The following CSMD3 variants were observed in gnomAD, a reference collection of about 807,000 sequenced individuals.
CSMD3 encodes CUB and Sushi multiple domains 3.
Under a neutral mutation model 435.2 loss-of-function variants are expected in CSMD3, and 177 were observed. That is an observed-to-expected ratio of 0.41 (90% CI 0.36 to 0.46). The LOEUF is 0.46. Ranked by LOEUF, CSMD3 falls within the 20% of genes least tolerant of loss-of-function variation. The pLI is 0.34. For synonymous variants in CSMD3, 1,656 were observed against 1,520.5 expected, an observed-to-expected ratio of 1.09 and a Z score of -2.07; for missense variants, 4,265 against 4,504.6, an observed-to-expected ratio of 0.95 and a Z score of 1.52.
intron 59 of CSMD3, among the ~76,000 whole-genome samples, chr8:112,265,991 C>G (rs1816904965): frequency 6.6e-6 from 1 of 152,088 alleles, no homozygotes; most frequent in South Asian, 2.1e-4. Flanking sequence ...ATTTATCAGG[C>G]ATGCTGGATG....
At chr8:112,663,433 C>T (rs1017802206) in intron 17 of CSMD3, among the ~76,000 whole-genome samples, 10 of 135,866 alleles carry the variant, frequency 7.4e-5, no homozygotes, top group Admixed American at 1.7e-4. Flanking sequence ...GGGAATTGAA[C>T]GCTGAGAACA....
intron 5 of CSMD3, among the ~76,000 whole-genome samples, chr8:113,055,671 G>T (rs1045724154): frequency 6.6e-6 from 1 of 152,098 alleles, no homozygotes; most frequent in Non-Finnish European, 1.5e-5. Context: ...AATATTAGAA[G>T]GATGAGCATA....
intron 32 of CSMD3, among the ~76,000 whole-genome samples, chr8:112,458,845 C>A (rs566629590): frequency 1.3e-5 from 2 of 152,176 alleles, no homozygotes; most frequent in South Asian, 4.1e-4. Context: ...TCAGGAAGGG[C>A]TTTGACAGCA....
intron 4 of CSMD3, among the ~76,000 whole-genome samples, chr8:113,113,848 T>C (rs1264382880): frequency 1.3e-5 from 2 of 152,308 alleles, no homozygotes; most frequent in South Asian, 2.1e-4. Flanking sequence ...TTGGAAAAGA[T>C]AATTTCTACC....
At chr8:112,307,487 T>G (rs1821553324) in intron 50 of CSMD3, among the ~76,000 whole-genome samples, 2 of 152,188 alleles carry the variant, frequency 1.3e-5, no homozygotes, top group Admixed American at 1.3e-4. Flanking sequence ...TTCGTCATGT[T>G]GGCCAGGCTG....
At chr8:113,073,363 A>T (rs921793862) in intron 5 of CSMD3, among the ~76,000 whole-genome samples, 6 of 151,790 alleles carry the variant, frequency 4.0e-5, no homozygotes, top group Non-Finnish European at 8.8e-5. Flanking sequence ...AAATTCTTTG[A>T]TAAAAAGAGT....
intron 62 of CSMD3, among the ~76,000 whole-genome samples, 191 bp from the exon 63 acceptor site, chr8:112,254,517 C>A (rs1201362085): frequency 1.3e-5 from 2 of 151,894 alleles, no homozygotes; most frequent in African/African-American, 4.8e-5. Context: ...CAGGTAGACT[C>A]CATTTGATAT....
chr8:112,227,626 A>G (rs967591972), intron 70 of CSMD3, among the ~76,000 whole-genome samples: 3 of 152,196 alleles, frequency 2.0e-5, no homozygotes, highest in Non-Finnish European at 2.9e-5. Context: ...AAATTTAGTG[A>G]TGATTATTCT....
chr8:112,801,705 C>T (rs2078965918), intron 12 of CSMD3, among the ~76,000 whole-genome samples: 2 of 151,828 alleles, frequency 1.3e-5, no homozygotes, highest in South Asian at 2.1e-4. Context: ...GTTTTTTGAG[C>T]TACTGTAGAG....
chr8:112,620,007 C>T (rs1833946150), intron 22 of CSMD3, among the ~76,000 whole-genome samples: 1 of 151,938 alleles, frequency 6.6e-6, no homozygotes, highest in Non-Finnish European at 1.5e-5. Context: ...TTGCTGATTA[C>T]ATAATAAATA....
At chr8:113,369,460 CGTAA>C (rs1342792396) in intron 1 of CSMD3, among the ~76,000 whole-genome samples, 2 of 151,734 alleles carry the variant, frequency 1.3e-5, no homozygotes, top group African/African-American at 4.8e-5. Flanking sequence ...TTGGTGTGGA[CGTAA>C]GTCAGTACAA....
intron 3 of CSMD3, among the ~76,000 whole-genome samples, chr8:113,187,693 G>C (rs1267756510): frequency 6.6e-6 from 1 of 151,952 alleles, no homozygotes; most frequent in African/African-American, 2.4e-5. Context: ...GAGTGAAATG[G>C]AGATTAGTAG....
At chr8:112,534,988 T>C (rs1249940272) in intron 27 of CSMD3, among the ~76,000 whole-genome samples, 2 of 152,136 alleles carry the variant, frequency 1.3e-5, no homozygotes, top group Non-Finnish European at 2.9e-5. Flanking sequence ...CAACCCTTCA[T>C]GCTAAAAACT....
chr8:113,274,914 G>C (rs1034366930), intron 3 of CSMD3, among the ~76,000 whole-genome samples: 3 of 151,862 alleles, frequency 2.0e-5, no homozygotes, highest in African/African-American at 7.3e-5. Flanking sequence ...TAAAGAGAGA[G>C]AGAGAGAATG....
chr8:112,429,710 A>G (rs2130378988), intron 32 of CSMD3, among the ~76,000 whole-genome samples: 1 of 152,222 alleles, frequency 6.6e-6, no homozygotes, highest in Admixed American at 6.6e-5. Flanking sequence ...CTAAAGTCAC[A>G]TTGAACTTTA....
chr8:112,391,364 G>A (rs558924077), intron 35 of CSMD3, among the ~76,000 whole-genome samples: 1 of 152,212 alleles, frequency 6.6e-6, no homozygotes, highest in Admixed American at 6.5e-5. Context: ...GCAATCAAAT[G>A]GAGTCATTAA....
At chr8:112,687,701 C>G (rs559017709) in intron 14 of CSMD3, among the ~76,000 whole-genome samples, 233 of 152,198 alleles carry the variant, frequency 1.5e-3, no homozygotes, top group Non-Finnish European at 2.2e-3. Flanking sequence ...AGCTTGCAAA[C>G]TGACAGTCAT....
chr8:112,862,960 A>T (rs553764607), intron 10 of CSMD3, among the ~76,000 whole-genome samples: 1 of 152,116 alleles, frequency 6.6e-6, no homozygotes, highest in Admixed American at 6.6e-5. Flanking sequence ...TTAATTTCCA[A>T]TTCTTTCTCT....
chr8:113,157,367 G>A (rs2131818501), intron 4 of CSMD3, among the ~76,000 whole-genome samples: 1 of 152,182 alleles, frequency 6.6e-6, no homozygotes, highest in Admixed American at 6.5e-5. Context: ...CATGTCTTTT[G>A]CCAGCTTCTA....
Sources: allele counts gnomAD v4.1 joint callset (sites outside exome capture counted in the v4.1 genomes callset), GRCh38; gene constraint gnomAD v4.1.1; transcripts MANE v1.5; gene names NCBI Gene and HGNC (gene_info 2026-07-23, HGNC 2026-07-21).